Variants in ABLIM3 observed in about 807,000 individuals in gnomAD.
The protein encoded by ABLIM3 is actin binding LIM protein family member 3.
ABLIM3 carries 61 observed loss-of-function variants against 109.5 expected under a neutral mutation model. The observed-to-expected ratio is 0.56, with a 90% confidence interval of 0.45 to 0.69. ABLIM3 has a LOEUF of 0.69. Ranked by LOEUF, ABLIM3 falls within the 30% of genes least tolerant of loss-of-function variation. The probability of loss-of-function intolerance (pLI) is 0.00; values close to 1 mark genes in which losing one functional copy is unlikely to be tolerated. For missense variants in ABLIM3, 796 were observed against 889.5 expected (o/e 0.89, Z 1.34); for synonymous variants, 300 against 324.8 (o/e 0.92, Z 0.82).
intron 14 of ABLIM3, among the ~76,000 whole-genome samples, 155 bp from the exon 15 acceptor site, chr5:149,242,336 A>G (rs917295318): frequency 9.2e-5 from 14 of 152,140 alleles, no homozygotes; most frequent in Non-Finnish European, 1.3e-4. Flanking sequence ...TTGGAAGAGG[A>G]AGTCACCAGG....
chr5:149,245,782 AT>A (rs1267112867), intron 16 of ABLIM3, among the ~76,000 whole-genome samples: 4 of 151,880 alleles, frequency 2.6e-5, no homozygotes, highest in Admixed American at 6.6e-5. Context: ...ATGGGGGGAA[AT>A]TTTTCCCCCC....
chr5:149,248,880 ACACACACACACACACACACT>A (rs773170598), intron 18 of ABLIM3, among the ~76,000 whole-genome samples: 3 of 70,184 alleles, frequency 4.3e-5, no homozygotes, highest in Admixed American at 1.4e-4. Flanking sequence ...ACACACACAC[ACACACACACACACACACACT>A]CTGTCTGCCT....
At chr5:149,204,942 C>A (rs558031327) in intron 5 of ABLIM3, among the ~76,000 whole-genome samples, 3 of 152,294 alleles carry the variant, frequency 2.0e-5, no homozygotes, top group African/African-American at 7.2e-5. Context: ...GGATTCATTT[C>A]TAGAGTATGG....
chr5:149,244,997 T>C lies in ABLIM3; in HGVS notation c.1468T>C (p.Tyr490His), dbSNP rs1295692341. 1.2e-6 allele frequency: 2 copies of C among 1,614,184 alleles called. No homozygotes were observed. The change falls in exon 16 of 24, where the codon TAC becomes CAC. Residue 490 changes from tyrosine to histidine, a missense_variant. By Grantham distance (83) the Tyr-to-His change is moderately conservative. Transcript: ENST00000309868. ...TGCTTCGGAGTCTGAGTACTGGACCTACCATGGGTCCCCCAAAGGTAGTAC... is the reference window on the plus strand; with the variant it reads ...TGCTTCGGAGTCTGAGTACTGGACCCACCATGGGTCCCCCAAAGGTAGTAC... Reference protein sequence around the residue: ...YYASESEYWTYHGSPKVPRAR... With the variant: ...YYASESEYWTHHGSPKVPRAR...
At chr5:149,156,732 C>T (rs535466173) in intron 2 of ABLIM3, among the ~76,000 whole-genome samples, 10 of 152,218 alleles carry the variant, frequency 6.6e-5, no homozygotes, top group Non-Finnish European at 1.2e-4. Context: ...AAGCAGGGAA[C>T]ATGTCACATT....
chr5:149,147,113 ATGTGTG>A (rs35743789), intron 2 of ABLIM3, among the ~76,000 whole-genome samples: 1 of 138,998 alleles, frequency 7.2e-6, no homozygotes, highest in African/African-American at 2.7e-5. Flanking sequence ...CTCTCTGTGT[ATGTGTG>A]TGTGTGTGTG....
intron 2 of ABLIM3, among the ~76,000 whole-genome samples, chr5:149,161,644 A>G (rs960598456): frequency 6.6e-6 from 1 of 152,122 alleles, no homozygotes; most frequent in African/African-American, 2.4e-5. Flanking sequence ...TGAGGCATTA[A>G]TCTAGCTTAG....
intron 5 of ABLIM3, among the ~76,000 whole-genome samples, chr5:149,204,849 A>G (rs916779323): frequency 3.3e-5 from 5 of 152,224 alleles, no homozygotes; most frequent in Non-Finnish European, 7.3e-5. Flanking sequence ...CCCAGCCTCT[A>G]ACCACTGCGC....
chr5:149,149,648 A>G (rs1202855511), intron 2 of ABLIM3, among the ~76,000 whole-genome samples: 3 of 152,196 alleles, frequency 2.0e-5, no homozygotes, highest in African/African-American at 4.8e-5. Context: ...AAATAAGGGG[A>G]AAAATCTTTT....
At chr5:149,239,682 C>T in intron 12 of ABLIM3, 77 bp from the exon 13 acceptor site, 10 of 1,501,254 alleles carry the variant, frequency 6.7e-6, no homozygotes, top group Non-Finnish European at 8.9e-6. Flanking sequence ...CATGTCATGC[C>T]CACCTGCCTG....
intron 6 of ABLIM3, 80 bp downstream of exon 6, chr5:149,207,214 C>G (rs1218784895): frequency 6.5e-7 from 1 of 1,532,758 alleles, no homozygotes; most frequent in African/African-American, 1.4e-5. Context: ...ATGCCTACAT[C>G]TCCAGCATCA....
chr5:149,187,385 T>C (rs1757058526), intron 3 of ABLIM3, among the ~76,000 whole-genome samples: 1 of 152,190 alleles, frequency 6.6e-6, no homozygotes, highest in African/African-American at 2.4e-5. Flanking sequence ...GCCAGACAAC[T>C]GACTTTTCAG....
intron 7 of ABLIM3, chr5:149,216,545 A>C: frequency 6.2e-6 from 1 of 161,174 alleles, no homozygotes; most frequent in Non-Finnish European, 1.3e-5. Flanking sequence ...CCATTGGTCC[A>C]ATGTTATTAA....
intron 3 of ABLIM3, among the ~76,000 whole-genome samples, chr5:149,191,919 A>G (rs1581092808): frequency 6.6e-6 from 1 of 152,264 alleles, no homozygotes; most frequent in Non-Finnish European, 1.5e-5. Flanking sequence ...GTGCAGTGGC[A>G]CGATCTCGGC....
chr5:149,161,348 G>A (rs939932913), intron 2 of ABLIM3, among the ~76,000 whole-genome samples: 10 of 152,176 alleles, frequency 6.6e-5, no homozygotes, highest in Non-Finnish European at 1.5e-4. Flanking sequence ...TAGGTGAGAA[G>A]TCCACCCTTC....
intron 7 of ABLIM3, among the ~76,000 whole-genome samples, chr5:149,216,188 G>T (rs970604742): frequency 6.6e-6 from 1 of 152,130 alleles, no homozygotes; most frequent in Non-Finnish European, 1.5e-5. Flanking sequence ...TGTCCTTTGT[G>T]TGCCAGTCTC....
At chr5:149,196,992 A>C (rs901038633) in intron 3 of ABLIM3, among the ~76,000 whole-genome samples, 13 of 152,294 alleles carry the variant, frequency 8.5e-5, no homozygotes, top group African/African-American at 2.9e-4. Flanking sequence ...GCCTTGTAAA[A>C]TCCTGTTGCA....
chr5:149,206,898 A>T, intron 5 of ABLIM3, 110 bp from the exon 6 acceptor site: 1 of 1,435,484 alleles, frequency 7.0e-7, no homozygotes, highest in Non-Finnish European at 9.4e-7. Context: ...AGGTGGGAGC[A>T]ACTATGGGAA....
intron 17 of ABLIM3, chr5:149,247,510 A>G: frequency 1.6e-6 from 1 of 614,082 alleles, no homozygotes; most frequent in Non-Finnish European, 3.0e-6. Flanking sequence ...TGAATCAATC[A>G]CTGTGCCAAG....
Sources: allele counts gnomAD v4.1 joint callset (sites outside exome capture counted in the v4.1 genomes callset), GRCh38; gene constraint gnomAD v4.1.1; transcripts MANE v1.5; gene names NCBI Gene and HGNC (gene_info 2026-07-23, HGNC 2026-07-21).